The following BCL2L1 variants were observed in gnomAD, a reference collection of about 807,000 sequenced individuals.
BCL2L1 encodes the protein bcl-2-like protein 1.
Under a neutral mutation model 18.7 loss-of-function variants are expected in BCL2L1, and 1 was observed. The observed-to-expected ratio is 0.05, with a 90% CI of 0.02 to 0.25. The LOEUF (loss-of-function observed/expected upper bound fraction) is 0.25, where lower values mean the gene tolerates loss of function less well. Among genes scored for constraint, BCL2L1 ranks in the 10% least tolerant of loss-of-function variants. BCL2L1 has a pLI of 1.00. For missense variants in BCL2L1, 207 were observed against 304.9 expected (o/e 0.68, Z 2.39); for synonymous variants, 103 against 122.7 (o/e 0.84, Z 1.06).
rs193106055 is a variant in BCL2L1, at chr20:31,679,621, G to A, written c.565-13535C>T. Among the ~76,000 whole-genome samples, 702 of 152,302 alleles carry A rather than the reference G, an allele frequency of 4.6e-3. 3 individuals are homozygous for A. The highest frequency in any genetic ancestry group is 7.2e-3 in the Non-Finnish European group (492 of 68,024). ...CAGAGTTCAATGGTCCATGGTAAGC[G>A]TTCTGTAAATGTTAGCTGCTGCTGC... On this transcript the variant is annotated intron_variant, in intron 2 of 2. Coordinates refer to ENST00000307677, the MANE Select transcript of BCL2L1 (RefSeq NM_138578.3).
intron 2 of BCL2L1, among the ~76,000 whole-genome samples, chr20:31,694,204 A>G (rs1283562498): frequency 6.6e-6 from 1 of 152,096 alleles, no homozygotes; most frequent in Non-Finnish European, 1.5e-5. Flanking sequence ...GTGACCTGAT[A>G]CATGTGAGAG....
chr20:31,669,978 CAG>C (rs2060642703), intron 2 of BCL2L1, among the ~76,000 whole-genome samples: 1 of 152,180 alleles, frequency 6.6e-6, no homozygotes, highest in African/African-American at 2.4e-5. Context: ...ACTCAGCAAA[CAG>C]ATAGCAGAGT....
chr20:31,698,496 A>G (rs1425189527), intron 2 of BCL2L1, among the ~76,000 whole-genome samples: 1 of 151,838 alleles, frequency 6.6e-6, no homozygotes, highest in Non-Finnish European at 1.5e-5. Flanking sequence ...TCAGACTCCC[A>G]AAGTTTTGGG....
intron 2 of BCL2L1, among the ~76,000 whole-genome samples, chr20:31,678,103 G>A (rs149620192): frequency 2.8e-4 from 42 of 152,312 alleles, no homozygotes; most frequent in African/African-American, 8.9e-4. Context: ...TTCTAGAAAA[G>A]GCATCTTTTG....
chr20:31,666,452 G>A (rs2060589671), intron 2 of BCL2L1, among the ~76,000 whole-genome samples: 1 of 152,140 alleles, frequency 6.6e-6, no homozygotes, highest in African/African-American at 2.4e-5. Context: ...AGATGATGGT[G>A]CAGGGGTGAG....
chr20:31,673,176 A>G (rs1021235179), intron 2 of BCL2L1, among the ~76,000 whole-genome samples: 1 of 150,966 alleles, frequency 6.6e-6, no homozygotes, highest in Non-Finnish European at 1.5e-5. Flanking sequence ...GGTTCAAGCA[A>G]TTCTTCTGCC....
At chr20:31,673,303 A>C (rs2060702829) in intron 2 of BCL2L1, among the ~76,000 whole-genome samples, 1 of 151,646 alleles carries the variant, frequency 6.6e-6, no homozygotes, top group Non-Finnish European at 1.5e-5. Flanking sequence ...GGAACTCCTG[A>C]CCTCAGGTGA....
rs2060990195 is a variant in BCL2L1, at chr20:31,687,921, A to T, written c.565-21835T>A. ...ACTGTAAGAGCACAGGCATCAGAGG[A>T]TTGAAACCTGGGCTTAATCCTAGCT... is the stretch of plus-strand genomic sequence containing the variant. On this transcript the variant is annotated intron_variant, in intron 2 of 2. Coordinates refer to ENST00000307677, the MANE Select transcript of BCL2L1 (RefSeq NM_138578.3). Among the ~76,000 whole-genome samples the T allele has an allele frequency of 2.6e-5, 4 of 152,110 alleles. No individual in the cohort carries two copies. The South Asian group carries it at 8.3e-4, about 31-fold the overall frequency.
intron 2 of BCL2L1, among the ~76,000 whole-genome samples, chr20:31,690,394 T>C (rs976564622): frequency 6.6e-6 from 1 of 152,060 alleles, no homozygotes; most frequent in Admixed American, 6.6e-5. Flanking sequence ...CCTGGCCAAT[T>C]TTAAACTTAT....
chr20:31,676,284 C>T (rs1475560789), intron 2 of BCL2L1, among the ~76,000 whole-genome samples: 1 of 152,116 alleles, frequency 6.6e-6, no homozygotes, highest in Non-Finnish European at 1.5e-5. Flanking sequence ...TTGCTTAATC[C>T]TCACAATAAT....
chr20:31,722,410 C>G (rs2061650964), intron 1 of BCL2L1, 62 bp from the exon 2 acceptor site: 1 of 443,678 alleles, frequency 2.3e-6, no homozygotes, highest in South Asian at 7.4e-5. Context: ...ATTCCCCCTC[C>G]AGGTACCAGA....
intron 2 of BCL2L1, among the ~76,000 whole-genome samples, chr20:31,668,160 C>G (rs2060614303): frequency 2.6e-5 from 4 of 152,058 alleles, no homozygotes; most frequent in Admixed American, 2.6e-4. Context: ...CCTGGAGCAC[C>G]TGACCCCAGG....
At chr20:31,684,537 C>T (rs948980700) in intron 2 of BCL2L1, among the ~76,000 whole-genome samples, 5 of 152,086 alleles carry the variant, frequency 3.3e-5, no homozygotes, top group African/African-American at 1.2e-4. Flanking sequence ...CAGTCTCCTC[C>T]GTCAGTGATG....
intron 2 of BCL2L1, among the ~76,000 whole-genome samples, chr20:31,685,538 T>C (rs970161637): frequency 6.6e-6 from 1 of 152,186 alleles, no homozygotes; most frequent in African/African-American, 2.4e-5. Flanking sequence ...AAAAGGCAAT[T>C]TGAAAGTTCC....
chr20:31,719,337 A>C (rs1337532558), intron 2 of BCL2L1, among the ~76,000 whole-genome samples: 1 of 151,946 alleles, frequency 6.6e-6, no homozygotes, highest in Non-Finnish European at 1.5e-5. Context: ...ATAGCCCATA[A>C]CTCCTACCCT....
chr20:31,715,926 G>A (rs1158236221), intron 2 of BCL2L1, among the ~76,000 whole-genome samples: 1 of 151,974 alleles, frequency 6.6e-6, no homozygotes, highest in Non-Finnish European at 1.5e-5. Flanking sequence ...CCACCTCCCA[G>A]GCTCAAGTGA....
chr20:31,688,047 A>T (rs1272102981), intron 2 of BCL2L1, among the ~76,000 whole-genome samples: 1 of 152,148 alleles, frequency 6.6e-6, no homozygotes, highest in Non-Finnish European at 1.5e-5. Context: ...AGTTATGAGG[A>T]TTATCAGATA....
chr20:31,690,389 C>A (rs966525344), intron 2 of BCL2L1, among the ~76,000 whole-genome samples: 1 of 152,044 alleles, frequency 6.6e-6, no homozygotes. Context: ...CTGCACCTGG[C>A]CAATTTTAAA....
At chr20:31,699,984 T>C (rs1374468065) in intron 2 of BCL2L1, among the ~76,000 whole-genome samples, 1 of 152,202 alleles carries the variant, frequency 6.6e-6, no homozygotes, top group Non-Finnish European at 1.5e-5. Context: ...GTGTCAAAGC[T>C]GAGTAACTGA....
Sources: allele counts gnomAD v4.1 joint callset (sites outside exome capture counted in the v4.1 genomes callset), GRCh38; gene constraint gnomAD v4.1.1; transcripts MANE v1.5; gene names NCBI Gene and HGNC (gene_info 2026-07-23, HGNC 2026-07-21).